Variants in SYNE2 observed in about 807,000 individuals in gnomAD.
SYNE2 encodes nesprin-2.
Under a neutral mutation model 856.3 loss-of-function variants are expected in SYNE2, and 431 were observed. The observed-to-expected ratio is 0.50, with a 90% confidence interval of 0.47 to 0.55. The LOEUF (loss-of-function observed/expected upper bound fraction) is 0.55, where lower values mean the gene tolerates loss of function less well. SYNE2 is among the 20% of genes least tolerant of loss of function. The pLI is 0.00. For synonymous variants in SYNE2, 2,923 were observed against 2,872.3 expected (o/e 1.02, Z -0.56); for missense variants, 8,129 against 8,023.2 (o/e 1.01, Z -0.50).
At chr14:64,210,743 C>T (rs1309095751) in intron 103 of SYNE2, among the ~76,000 whole-genome samples, 1 of 152,242 alleles carries the variant, frequency 6.6e-6, no homozygotes, top group Non-Finnish European at 1.5e-5. Context: ...CTACAGGACA[C>T]AATTTTAATT....
At chr14:64,153,213 G>T (rs2098258605) in intron 85 of SYNE2, among the ~76,000 whole-genome samples, 1 of 152,110 alleles carries the variant, frequency 6.6e-6, no homozygotes, top group African/African-American at 2.4e-5. Flanking sequence ...AGGAAGAAAG[G>T]GTGCAAGACA....
intron 1 of SYNE2, among the ~76,000 whole-genome samples, chr14:63,810,479 T>A (rs1888574062): frequency 6.6e-6 from 1 of 152,172 alleles, no homozygotes; most frequent in Non-Finnish European, 1.5e-5. Flanking sequence ...CTCTGGAAAG[T>A]ACTCTAAAAT....
intron 1 of SYNE2, among the ~76,000 whole-genome samples, chr14:63,836,896 A>G (rs1322777072): frequency 6.6e-6 from 1 of 152,172 alleles, no homozygotes; most frequent in Non-Finnish European, 1.5e-5. Flanking sequence ...TTCTGTTTCT[A>G]AGTGGTGTCT....
chr14:63,764,855 G>A (rs1179706394), intron 1 of SYNE2, among the ~76,000 whole-genome samples: 1 of 152,132 alleles, frequency 6.6e-6, no homozygotes, highest in African/African-American at 2.4e-5. Context: ...GGCTGAGGTG[G>A]GCAGACTGCT....
At chr14:64,212,376 T>C (rs1398023496) in intron 104 of SYNE2, among the ~76,000 whole-genome samples, 1 of 152,194 alleles carries the variant, frequency 6.6e-6, no homozygotes, top group Non-Finnish European at 1.5e-5. Flanking sequence ...TGTAATTCTC[T>C]CCTTGGCCAG....
intron 19 of SYNE2, among the ~76,000 whole-genome samples, chr14:63,987,379 T>A (rs1312337949): frequency 6.6e-6 from 1 of 152,196 alleles, no homozygotes; most frequent in Non-Finnish European, 1.5e-5. Context: ...ATTCTGTCTT[T>A]ATTCTCAGGC....
chr14:64,032,498 G>A (rs1025261080), intron 45 of SYNE2, among the ~76,000 whole-genome samples: 1 of 152,144 alleles, frequency 6.6e-6, no homozygotes, highest in African/African-American at 2.4e-5. Flanking sequence ...GGAATTTGAG[G>A]TTACAGTGAG....
At chr14:64,007,458 G>A (rs2096805439) in intron 31 of SYNE2, among the ~76,000 whole-genome samples, 1 of 152,172 alleles carries the variant, frequency 6.6e-6, no homozygotes, top group Non-Finnish European at 1.5e-5. Flanking sequence ...AGTACAGTCC[G>A]TTTATGCTCA....
At position 64,220,586 on chromosome 14, in the gene SYNE2, C is replaced by A. The variant is rs748703042; in HGVS notation, c.20010C>A (p.Gly6670=). ...GCCTGCTCTGGGAAGCAGCACAGGG[C>A]GCAGTGGACAGCTGGAGAGGGGGCT... ...QLSLLWEAAQ[G]AVDSWRGGLR... is the part of the protein sequence containing the mutation. Residue 6670 remains glycine (G), a synonymous_variant, in exon 111 of 116, where the codon GGC becomes GGA. Coordinates refer to ENST00000555002, the MANE Select transcript of SYNE2 (RefSeq NM_182914.3). 1.5e-5 allele frequency: 25 copies of A among 1,614,020 alleles called. No individual in the cohort carries two copies. The highest frequency in any genetic ancestry group is 2.1e-5 in the Non-Finnish European group (25 of 1,180,032).
chr14:63,778,620 T>A (rs755931218), intron 1 of SYNE2, among the ~76,000 whole-genome samples: 33 of 152,122 alleles, frequency 2.2e-4, no homozygotes, highest in Non-Finnish European at 3.5e-4. Context: ...GTTTAAGTGA[T>A]CCTCCCACAT....
intron 65 of SYNE2, 88 bp downstream of exon 65, chr14:64,107,695 G>C (rs2097780426): frequency 1.9e-6 from 2 of 1,034,426 alleles, no homozygotes; most frequent in Admixed American, 1.7e-5. Context: ...GCAATACCTT[G>C]TACGTCAAGC....
intron 1 of SYNE2, among the ~76,000 whole-genome samples, chr14:63,791,781 A>C (rs1412155510): frequency 6.6e-6 from 1 of 151,952 alleles, no homozygotes; most frequent in Non-Finnish European, 1.5e-5. Flanking sequence ...GTCTCTACTA[A>C]AAAATACAAA....
Position 64,174,792 on chromosome 14 carries a change from G to A in SYNE2, c.17236-152G>A, listed in dbSNP as rs116959261. 3,113 of 637,336 alleles carry A rather than the reference G, an allele frequency of 4.9e-3. 7 individuals carry two copies. Among genetic ancestry groups the A allele is most frequent in the Non-Finnish European group, 7.0e-3 (2,606 of 370,434 alleles). The allele number at this position is 637,336 out of a possible 1,614,324, so 39.5% of individuals were successfully genotyped here. A position where few individuals can be genotyped will look rare whatever the true frequency, so the allele number is the denominator to read the frequency against. The stretch of plus-strand genomic sequence containing the variant: ...TCAGTGTAAAACATTAGCTTTTGAT[G>A]TGTGTGTGTATGTACATTCTGACCC... On this transcript the variant is annotated intron_variant, in intron 94 of 115. Transcript: ENST00000555002.
intron 33 of SYNE2, 44 bp from the exon 34 acceptor site, chr14:64,017,551 T>A: frequency 6.6e-7 from 1 of 1,526,694 alleles, no homozygotes; most frequent in South Asian, 1.1e-5. Flanking sequence ...GTTTTCAGAC[T>A]TTTCACTGCT....
At chr14:63,970,394 G>C (rs1038386708) in intron 11 of SYNE2, among the ~76,000 whole-genome samples, 1 of 152,014 alleles carries the variant, frequency 6.6e-6, no homozygotes, top group Non-Finnish European at 1.5e-5. Context: ...TTGCCATGTT[G>C]CCCATACTGG....
chr14:63,958,692 G>A (rs896264858), intron 8 of SYNE2, among the ~76,000 whole-genome samples: 1 of 152,170 alleles, frequency 6.6e-6, no homozygotes, highest in African/African-American at 2.4e-5. Context: ...ACTTGGGAGA[G>A]TTAAGGCTCA....
chr14:64,090,970 G>C lies in SYNE2; in HGVS notation c.11898G>C (p.Val3966=). 1.2e-6 allele frequency: 2 copies of C among 1,614,142 alleles called. No homozygotes were observed. Among genetic ancestry groups the C allele is most frequent in the Non-Finnish European group, 1.7e-6 (2 of 1,180,004 alleles). Residue 3966 remains valine (V), a synonymous_variant, in exon 60 of 116, where the codon GTG becomes GTC. Coordinates refer to ENST00000555002, the MANE Select transcript of SYNE2 (RefSeq NM_182914.3). ...LPQTGMKPLP[V]FQRTNQLLQD... ...AAACAGGAATGAAACCTCTGCCTGT[G>C]TTTCAGCGGACAAATCAGCTTTTAC...
intron 30 of SYNE2, among the ~76,000 whole-genome samples, chr14:64,006,038 G>A (rs71416321): frequency 3.4e-3 from 519 of 152,306 alleles, no homozygotes; most frequent in Middle Eastern, 6.8e-3. Context: ...CTAGTGAAGC[G>A]AAGTGAAGAT....
chr14:64,130,831 G>A (rs190246336), intron 76 of SYNE2, among the ~76,000 whole-genome samples: 3 of 150,542 alleles, frequency 2.0e-5, no homozygotes, highest in African/African-American at 4.9e-5. Context: ...GTTGCAGTAA[G>A]CTGAGATCAC....
Sources: allele counts gnomAD v4.1 joint callset (sites outside exome capture counted in the v4.1 genomes callset), GRCh38; gene constraint gnomAD v4.1.1; transcripts MANE v1.5; gene names NCBI Gene and HGNC (gene_info 2026-07-23, HGNC 2026-07-21).